LHFPL3: variants seen among roughly 807,000 people sequenced by gnomAD.
LHFPL3 encodes LHFPL tetraspan subfamily member 3.
Under a neutral mutation model 19.3 loss-of-function variants are expected in LHFPL3, and 5 were observed. The ratio of observed to expected loss-of-function variants is 0.26; its 90% CI spans 0.14 to 0.54. The LOEUF is 0.54. Ranked by LOEUF, LHFPL3 falls within the 20% of genes least tolerant of loss-of-function variation. LHFPL3 has a pLI of 0.94. For missense variants in LHFPL3, 249 were observed against 307.4 expected, an observed-to-expected ratio of 0.81 and a Z score of 1.42; for synonymous variants, 133 against 126.2, an observed-to-expected ratio of 1.05 and a Z score of -0.36.
intron 2 of LHFPL3, among the ~76,000 whole-genome samples, chr7:104,867,072 A>G (rs1018504945): frequency 6.6e-6 from 1 of 152,238 alleles, no homozygotes; most frequent in Non-Finnish European, 1.5e-5. Context: ...GACACATTCA[A>G]AGCAGTGTGT....
chr7:104,332,299 G>T (rs556357861), intron 1 of LHFPL3, among the ~76,000 whole-genome samples: 3 of 129,500 alleles, frequency 2.3e-5, no homozygotes, highest in Non-Finnish European at 4.6e-5. Context: ...GTGTGATCTC[G>T]GCTCACTGAA....
intron 2 of LHFPL3, among the ~76,000 whole-genome samples, chr7:104,822,261 T>C (rs139438574): frequency 2.6e-5 from 4 of 152,368 alleles, no homozygotes; most frequent in Admixed American, 1.3e-4. Flanking sequence ...TGAGTCATGG[T>C]ATTTTGTAAT....
intron 1 of LHFPL3, among the ~76,000 whole-genome samples, chr7:104,723,229 C>T (rs893012189): frequency 2.0e-5 from 3 of 152,040 alleles, no homozygotes; most frequent in African/African-American, 7.2e-5. Flanking sequence ...CATCAGTAGC[C>T]TCTACACAGA....
Position 104,358,421 on chromosome 7 carries a change from T to C in LHFPL3, c.445+29197T>C, listed in dbSNP as rs151192137. 8.0e-3 allele frequency among the ~76,000 whole-genome samples: 1,226 copies of C among 152,338 alleles called. 20 individuals carry two copies. The highest frequency in any genetic ancestry group is 0.028 in the African/African-American group (1,183 of 41,566). ...CTTTGGGGGTCAGTAGGGTGTAATTTAAAAGTGTCAGTTTCATATGTTTAC... is the reference window on the plus strand; with the variant it reads ...CTTTGGGGGTCAGTAGGGTGTAATTCAAAAGTGTCAGTTTCATATGTTTAC... On this transcript the variant is annotated intron_variant, in intron 1 of 2. Transcript: ENST00000424859.
intron 1 of LHFPL3, among the ~76,000 whole-genome samples, chr7:104,661,956 G>A (rs376365575): frequency 6.6e-5 from 10 of 152,170 alleles, no homozygotes; most frequent in Non-Finnish European, 1.2e-4. Context: ...CATGACAGTC[G>A]ATCTAATAAC....
chr7:104,674,029 A>G (rs979525843), intron 1 of LHFPL3, among the ~76,000 whole-genome samples: 1 of 150,852 alleles, frequency 6.6e-6, no homozygotes, highest in Non-Finnish European at 1.5e-5. Flanking sequence ...TCTTTTTCCA[A>G]GACTTTTCCA....
intron 2 of LHFPL3, among the ~76,000 whole-genome samples, chr7:104,778,849 A>G (rs934604311): frequency 6.6e-6 from 1 of 152,216 alleles, no homozygotes; most frequent in Admixed American, 6.5e-5. Flanking sequence ...GATAATGATA[A>G]CAGAGCTAAT....
intron 1 of LHFPL3, among the ~76,000 whole-genome samples, chr7:104,650,217 T>C (rs1404597416): frequency 6.6e-6 from 1 of 152,162 alleles, no homozygotes; most frequent in East Asian, 1.9e-4. Flanking sequence ...GAAGAAATAG[T>C]ATGTAGGCAG....
At chr7:104,763,941 A>C (rs966719574) in intron 2 of LHFPL3, among the ~76,000 whole-genome samples, 1 of 152,222 alleles carries the variant, frequency 6.6e-6, no homozygotes, top group African/African-American at 2.4e-5. Flanking sequence ...ATAAGGATAC[A>C]TGGAAATATC....
At chr7:104,618,399 G>T (rs1372371468) in intron 1 of LHFPL3, among the ~76,000 whole-genome samples, 7 of 152,170 alleles carry the variant, frequency 4.6e-5, no homozygotes, top group African/African-American at 1.7e-4. Context: ...CAGATGAGGA[G>T]ATTGAGGCAT....
intron 1 of LHFPL3, among the ~76,000 whole-genome samples, chr7:104,507,132 C>T (rs1584366979): frequency 6.6e-6 from 1 of 152,110 alleles, no homozygotes; most frequent in Non-Finnish European, 1.5e-5. Flanking sequence ...ACACCAAATA[C>T]ATTAGGAAAA....
At chr7:104,843,895 A>T (rs979940104) in intron 2 of LHFPL3, among the ~76,000 whole-genome samples, 2 of 152,224 alleles carry the variant, frequency 1.3e-5, no homozygotes, top group Admixed American at 1.3e-4. Flanking sequence ...ATCTGTCTCA[A>T]TAGGCCCATC....
chr7:104,835,162 C>G (rs1333021271), intron 2 of LHFPL3, among the ~76,000 whole-genome samples: 1 of 151,898 alleles, frequency 6.6e-6, no homozygotes, highest in Non-Finnish European at 1.5e-5. Context: ...CCTCAGTTTA[C>G]TGATCCTCAC....
chr7:104,872,434 C>T (rs1222743945), intron 2 of LHFPL3, among the ~76,000 whole-genome samples: 3 of 151,988 alleles, frequency 2.0e-5, no homozygotes, highest in African/African-American at 7.2e-5. Context: ...CACTTGAGGT[C>T]AAGAGTTCAA....
chr7:104,478,427 C>G (rs1444089574), intron 1 of LHFPL3, among the ~76,000 whole-genome samples: 5 of 152,090 alleles, frequency 3.3e-5, no homozygotes, highest in Non-Finnish European at 7.4e-5. Context: ...TCTGTCCTTT[C>G]TCCTCTTCTC....
intron 1 of LHFPL3, among the ~76,000 whole-genome samples, chr7:104,573,631 G>A (rs775236361): frequency 1.3e-4 from 20 of 152,060 alleles, no homozygotes; most frequent in Non-Finnish European, 2.6e-4. Flanking sequence ...TACATCAGTC[G>A]CTGCAATGGC....
intron 2 of LHFPL3, among the ~76,000 whole-genome samples, chr7:104,779,002 C>T (rs62485077): frequency 0.12 from 17,987 of 152,186 alleles, 1,307 homozygotes; most frequent in Non-Finnish European, 0.16. Context: ...AGGATCTCAT[C>T]GTTGCCTCTT....
chr7:104,608,190 T>C (rs928593868), intron 1 of LHFPL3, among the ~76,000 whole-genome samples: 5 of 152,024 alleles, frequency 3.3e-5, no homozygotes, highest in Non-Finnish European at 2.9e-5. Flanking sequence ...TAAAGACACA[T>C]GCACACGTAT....
chr7:104,447,783 T>C (rs1302945401), intron 1 of LHFPL3, among the ~76,000 whole-genome samples: 1 of 152,128 alleles, frequency 6.6e-6, no homozygotes, highest in Admixed American at 6.5e-5. Flanking sequence ...TTTTGTTTAT[T>C]TTTTAATCAA....
Sources: allele counts gnomAD v4.1 joint callset (sites outside exome capture counted in the v4.1 genomes callset), GRCh38; gene constraint gnomAD v4.1.1; transcripts MANE v1.5; gene names NCBI Gene and HGNC (gene_info 2026-07-23, HGNC 2026-07-21).